The following STON2 variants were observed in gnomAD, a reference collection of about 807,000 sequenced individuals.
STON2 encodes the protein stonin 2.
A neutral mutation model predicts 65.7 loss-of-function variants in STON2; 29 were observed. The ratio of observed to expected loss-of-function variants is 0.44; its 90% CI spans 0.33 to 0.60. The LOEUF (loss-of-function observed/expected upper bound fraction) is 0.60, where lower values mean the gene tolerates loss of function less well. STON2 is among the 20% of genes least tolerant of loss of function. The probability of loss-of-function intolerance (pLI) is 0.03; values close to 1 mark genes in which losing one functional copy is unlikely to be tolerated. For missense variants in STON2, 1,054 were observed against 1,118.1 expected, an observed-to-expected ratio of 0.94 and a Z score of 0.82; for synonymous variants, 404 against 414.2, an observed-to-expected ratio of 0.98 and a Z score of 0.30.
At chr14:81,325,526 C>A (rs1023854997) in intron 4 of STON2, among the ~76,000 whole-genome samples, 31 of 152,114 alleles carry the variant, frequency 2.0e-4, no homozygotes, top group African/African-American at 7.2e-4. Flanking sequence ...GTAAAAAATT[C>A]TCTATTATTC....
intron 3 of STON2, among the ~76,000 whole-genome samples, chr14:81,374,900 G>A (rs944334238): frequency 4.0e-5 from 6 of 151,854 alleles, no homozygotes; most frequent in African/African-American, 1.2e-4. Flanking sequence ...TCTCAAGCAG[G>A]GTAACTAAAA....
chr14:81,412,403 C>T (rs1248493056), intron 2 of STON2, among the ~76,000 whole-genome samples: 4 of 139,650 alleles, frequency 2.9e-5, no homozygotes, highest in Non-Finnish European at 6.0e-5. Flanking sequence ...CATTATTCAG[C>T]CTTAAAAAGA....
At chr14:81,356,489 C>A (rs1005093048) in intron 4 of STON2, among the ~76,000 whole-genome samples, 23 of 151,864 alleles carry the variant, frequency 1.5e-4, no homozygotes, top group African/African-American at 4.6e-4. Flanking sequence ...TGTGTCTCTG[C>A]CAGGCTTTGG....
chr14:81,323,486 T>C (rs1896893400), intron 5 of STON2: 1 of 152,244 alleles, frequency 6.6e-6, no homozygotes, highest in Admixed American at 6.5e-5. Context: ...TGTTCACAAA[T>C]ATTTAATTGG....
intron 3 of STON2, chr14:81,394,937 C>A (rs1230011343): frequency 6.6e-6 from 1 of 152,170 alleles, no homozygotes; most frequent in East Asian, 1.9e-4. Context: ...CTTGTTACAG[C>A]AGCAAATAGA....
chr14:81,307,413 T>C (rs550220881), intron 5 of STON2, among the ~76,000 whole-genome samples: 2 of 152,330 alleles, frequency 1.3e-5, no homozygotes, highest in South Asian at 2.1e-4. Context: ...TAAATTTCTA[T>C]AAATTTATTT....
Position 81,315,030 on chromosome 14 carries a change from C to A in STON2, c.742+8987G>T, listed in dbSNP as rs769650177. Among the ~76,000 whole-genome samples, 8 of 152,070 alleles carry A rather than the reference C, an allele frequency of 5.3e-5. No individual in the cohort carries two copies. In the East Asian group the frequency reaches 9.7e-4, roughly 18 times the overall value. ...TGGCCTAACACCTCCATTTTGCATT[C>A]TTGGTTAGCTTTTCCTTCTCAGTAA... On this transcript the variant is annotated intron_variant, in intron 5 of 7. Coordinates refer to ENST00000614646, the MANE Select transcript of STON2 (RefSeq NM_001394390.1).
intron 5 of STON2, among the ~76,000 whole-genome samples, chr14:81,287,238 C>CGGAGGATA (rs947035222): frequency 6.6e-6 from 1 of 151,968 alleles, no homozygotes; most frequent in Non-Finnish European, 1.5e-5. Flanking sequence ...AAAGAGGAGC[C>CGGAGGATA]GGAGGATAAG....
intron 3 of STON2, among the ~76,000 whole-genome samples, chr14:81,380,267 T>C (rs8018198): frequency 0.18 from 26,900 of 152,134 alleles, 3,070 homozygotes; most frequent in East Asian, 0.44. Flanking sequence ...ATTAGGGGAA[T>C]GCAAATCAAA....
In STON2 at chr14:81,265,965, T is replaced by A. The variant is rs1894343306; in HGVS notation, c.*2449A>T. 1 of 985,270 alleles carries A rather than the reference T, an allele frequency of 1.0e-6. No individual in the cohort carries two copies. The highest frequency in any genetic ancestry group is 1.7e-5 in the African/African-American group (1 of 57,224). 61.0% of individuals were successfully genotyped at this position (985,270 alleles called of 1,614,324 possible). On this transcript the variant is annotated 3_prime_UTR_variant, in exon 8 of 8. Coordinates refer to ENST00000614646, the MANE Select transcript of STON2 (RefSeq NM_001394390.1). ...CTCTCCAATCCATTTAGATGTTCTA[T>A]GAGGAATTAATCTCAAAAGCCTTCA...
chr14:81,402,643 G>A (rs1239729383), upstream of STON2, among the ~76,000 whole-genome samples: 1 of 151,980 alleles, frequency 6.6e-6, no homozygotes, highest in African/African-American at 2.4e-5. Flanking sequence ...ATCTGAAGAG[G>A]GTGTCAAGCA....
chr14:81,424,673 G>A (rs1901880801), intron 2 of STON2, among the ~76,000 whole-genome samples: 1 of 152,148 alleles, frequency 6.6e-6, no homozygotes, highest in African/African-American at 2.4e-5. Flanking sequence ...CACAGACAAT[G>A]GGACAGGATC....
chr14:81,429,549 G>A (rs1226442495), intron 1 of STON2, among the ~76,000 whole-genome samples: 1 of 152,208 alleles, frequency 6.6e-6, no homozygotes, highest in Admixed American at 6.5e-5. Flanking sequence ...TCATTTGTAG[G>A]AGGTTATGCA....
At chr14:81,386,388 C>T (rs1899805783) in intron 3 of STON2, among the ~76,000 whole-genome samples, 1 of 151,742 alleles carries the variant, frequency 6.6e-6, no homozygotes, top group Non-Finnish European at 1.5e-5. Context: ...TAGAAATTAA[C>T]GGCGGGGCTA....
chr14:81,373,836 G>GA (rs147002048), intron 3 of STON2, among the ~76,000 whole-genome samples: 1 of 151,786 alleles, frequency 6.6e-6, no homozygotes, highest in Non-Finnish European at 1.5e-5. Context: ...AAGAGTAGAG[G>GA]AAAAAATATC....
At chr14:81,332,859 TG>T (rs1480050479) in intron 4 of STON2, 2 of 181,732 alleles carry the variant, frequency 1.1e-5, no homozygotes, top group African/African-American at 4.7e-5. Flanking sequence ...TTTAGTTTAT[TG>T]ATCTTCCTGT....
At chr14:81,433,279 C>G (rs545986356) in intron 1 of STON2, among the ~76,000 whole-genome samples, 10 of 152,168 alleles carry the variant, frequency 6.6e-5, no homozygotes, top group Non-Finnish European at 1.3e-4. Flanking sequence ...GACTGCAGGC[C>G]ACCGTATTTG....
chr14:81,390,778 TTC>T (rs1900042993), intron 3 of STON2, among the ~76,000 whole-genome samples: 1 of 152,220 alleles, frequency 6.6e-6, no homozygotes, highest in South Asian at 2.1e-4. Flanking sequence ...CAGTAATTTA[TTC>T]TCTCACAGTT....
intron 3 of STON2, among the ~76,000 whole-genome samples, chr14:81,384,221 T>A (rs1485355415): frequency 4.0e-5 from 6 of 150,836 alleles, no homozygotes; most frequent in African/African-American, 1.5e-4. Context: ...CCTAACACAC[T>A]TACTGTATTA....
Sources: allele counts gnomAD v4.1 joint callset (sites outside exome capture counted in the v4.1 genomes callset), GRCh38; gene constraint gnomAD v4.1.1; transcripts MANE v1.5; gene names NCBI Gene and HGNC (gene_info 2026-07-23, HGNC 2026-07-21).